The following RNF216 variants were observed in gnomAD, a reference collection of about 807,000 sequenced individuals.
RNF216 encodes ring finger protein 216.
RNF216 carries 72 observed loss-of-function variants against 110.8 expected under a neutral mutation model. That is an observed-to-expected ratio of 0.65 (90% CI 0.54 to 0.79). The LOEUF is 0.79. RNF216 is among the 30% of genes least tolerant of loss of function. The pLI, the probability that RNF216 is intolerant of heterozygous loss-of-function variation, is 0.00. For synonymous variants in RNF216, 495 were observed against 407.5 expected (o/e 1.21, Z -2.59); for missense variants, 1,342 against 1,141.2 (o/e 1.18, Z -2.54).
intron 13 of RNF216, among the ~76,000 whole-genome samples, chr7:5,661,397 G>C (rs769392919): frequency 2.6e-5 from 4 of 152,188 alleles, no homozygotes; most frequent in Non-Finnish European, 5.9e-5. Context: ...AAATAAATGA[G>C]ACCTGCTAGG....
intron 15 of RNF216, among the ~76,000 whole-genome samples, chr7:5,632,867 G>A (rs1159109132): frequency 1.3e-5 from 2 of 152,208 alleles, no homozygotes; most frequent in East Asian, 1.9e-4. Flanking sequence ...GTACCATGAC[G>A]AAGCACACGA....
chr7:5,714,082 G>A (rs948585203), intron 11 of RNF216, among the ~76,000 whole-genome samples: 1 of 151,952 alleles, frequency 6.6e-6, no homozygotes, highest in Non-Finnish European at 1.5e-5. Flanking sequence ...AGCTCACTAA[G>A]CCTCCCGAGT....
At chr7:5,649,253 G>A (rs1020417409) in intron 14 of RNF216, among the ~76,000 whole-genome samples, 77 of 151,872 alleles carry the variant, frequency 5.1e-4, no homozygotes, top group Admixed American at 4.8e-3. Flanking sequence ...TTAGCTGGGC[G>A]TGGTAGCAGG....
chr7:5,775,831 T>C (rs1796744501), intron 1 of RNF216, among the ~76,000 whole-genome samples: 1 of 150,122 alleles, frequency 6.7e-6, no homozygotes, highest in African/African-American at 2.5e-5. Context: ...AATGCGCCAC[T>C]GCACTCCTGC....
rs1790566537 is a variant in RNF216 at position 5,680,315 on chromosome 7, A to G, written c.2062-27805T>C. 1 of 152,152 alleles carries G rather than the reference A, an allele frequency of 6.6e-6. No individual in the cohort carries two copies. 9.4% of individuals were successfully genotyped at this position (152,152 alleles called of 1,614,324 possible). On this transcript the variant is annotated intron_variant, in intron 13 of 16. Coordinates refer to ENST00000389902, the MANE Select transcript of RNF216 (RefSeq NM_207111.4). This position sits in a 1 kb window ranked among gnomAD's most constrained non-coding sequence, Gnocchi z 4.3. Reference sequence around the variant, plus strand: ...CCTGCCCCCAGCTAGCTCTGTCATCATAGAATGCGATCCACTCCCCCAAGC... The same window carrying G: ...CCTGCCCCCAGCTAGCTCTGTCATCGTAGAATGCGATCCACTCCCCCAAGC...
intron 10 of RNF216, 57 bp from the exon 11 acceptor site, chr7:5,715,247 C>T: frequency 6.4e-7 from 1 of 1,557,510 alleles, no homozygotes; most frequent in African/African-American, 1.3e-5. Context: ...GAGGGGGAGC[C>T]TTGTCTCCCA....
intron 2 of RNF216, among the ~76,000 whole-genome samples, chr7:5,754,263 C>T (rs980713221): frequency 4.0e-5 from 6 of 151,758 alleles, no homozygotes; most frequent in Non-Finnish European, 7.4e-5. Context: ...TCAAGCAATC[C>T]TCCCATGTCA....
In RNF216 at chr7:5,623,023, C is replaced by T. The variant is rs748329404; in HGVS notation, c.2609G>A (p.Arg870Gln). The T allele has an allele frequency of 3.1e-6, 5 of 1,613,876 alleles. No homozygotes were observed. The highest frequency in any genetic ancestry group is 2.7e-5 in the African/African-American group (2 of 74,864). The change falls in exon 17 of 17, where the codon CGG (arginine) becomes CAG (glutamine). Residue 870 changes from arginine (R) to glutamine (Q), a missense_variant. By Grantham distance (43) the Arg-to-Gln change is conservative. Coordinates refer to ENST00000389902, the MANE Select transcript of RNF216 (RefSeq NM_207111.4). ...AHPPFPLPPVRPVFNNFPLNM... is the reference protein window; with the variant it reads ...AHPPFPLPPVQPVFNNFPLNM... Reference sequence around the variant, plus strand: ...GAGTGGGAAGTTGTTGAACACAGGCCGCACGGGAGGCAGGGGGAAGGGTGG... The same window carrying T: ...GAGTGGGAAGTTGTTGAACACAGGCTGCACGGGAGGCAGGGGGAAGGGTGG...
chr7:5,625,375 G>A (rs951651195), intron 15 of RNF216, among the ~76,000 whole-genome samples: 8 of 152,204 alleles, frequency 5.3e-5, no homozygotes, highest in African/African-American at 1.4e-4. Context: ...TAGACACGGC[G>A]TCAGAGCCTA....
chr7:5,781,552 G>A lies in RNF216; in HGVS notation c.-81C>T, dbSNP rs546890586. 6.6e-6 allele frequency: 1 copy of A among 152,088 alleles called. No individual in the cohort carries two copies. The highest frequency in any genetic ancestry group is 2.4e-5 in the African/African-American group (1 of 41,378). 9.4% of individuals were successfully genotyped at this position (152,088 alleles called of 1,614,324 possible). A position where few individuals can be genotyped will look rare whatever the true frequency, so the allele number is the denominator to read the frequency against. On this transcript the variant is annotated 5_prime_UTR_variant, in exon 1 of 17. Transcript: ENST00000389902. ...CAGCCGACACTCACTCGTCACTCAA[G>A]TCGCCGGCTAGCCAGGCAGGTTCGG...
chr7:5,717,382 G>T (rs1243673289), intron 9 of RNF216, among the ~76,000 whole-genome samples: 1 of 152,084 alleles, frequency 6.6e-6, no homozygotes, highest in Non-Finnish European at 1.5e-5. Flanking sequence ...CAAAAACTAA[G>T]TTTAACAACA....
rs1413245854 is a variant in RNF216, at chr7:5,758,540, A to G, written c.67+2463T>C. Among the ~76,000 whole-genome samples, 4 of 152,218 alleles carry G rather than the reference A, an allele frequency of 2.6e-5. No individual in the cohort carries two copies. The East Asian group carries it at 7.7e-4, about 29-fold the overall frequency. Reference sequence around the variant, plus strand: ...ACTCCTGAGACAGCAGGACTGCACGAGACTTTCAGGAGCCTATCCCTTGCA... The same window carrying G: ...ACTCCTGAGACAGCAGGACTGCACGGGACTTTCAGGAGCCTATCCCTTGCA... On this transcript the variant is annotated intron_variant, in intron 2 of 16. Transcript: ENST00000389902.
rs1421816686 is a variant in RNF216 at position 5,741,056 on chromosome 7, G to C, written c.961C>G (p.Gln321Glu). ...CAAATGTTTTCCAAATTGGGCTCTT[G>C]AGATTCTTGCATTGGAAAGGCTGGA... The part of the protein sequence containing the change: ...PGPAFPMQES[Q>E]EPNLENIWGQ... Residue 321 changes from glutamine (Q) to glutamate (E), a missense_variant, in exon 4 of 17, where the codon CAA becomes GAA. Coordinates refer to ENST00000389902, the MANE Select transcript of RNF216 (RefSeq NM_207111.4). 1 of 1,613,998 alleles carries C rather than the reference G, an allele frequency of 6.2e-7. No individual in the cohort carries two copies. The highest frequency in any genetic ancestry group is 8.5e-7 in the Non-Finnish European group (1 of 1,180,036).
At chr7:5,726,229 T>C (rs1165828499) in intron 7 of RNF216, among the ~76,000 whole-genome samples, 1 of 151,150 alleles carries the variant, frequency 6.6e-6, no homozygotes, top group Admixed American at 6.6e-5. Flanking sequence ...TGAGCCATGA[T>C]TGCGCCACTG....
chr7:5,726,211 G>A (rs1332898945), intron 7 of RNF216, among the ~76,000 whole-genome samples: 1 of 152,016 alleles, frequency 6.6e-6, no homozygotes, highest in Non-Finnish European at 1.5e-5. Flanking sequence ...TGAGAGGCAG[G>A]GTTGCAGTGA....
intron 5 of RNF216, among the ~76,000 whole-genome samples, chr7:5,735,720 A>C (rs1192926728): frequency 6.6e-6 from 1 of 152,220 alleles, no homozygotes; most frequent in Non-Finnish European, 1.5e-5. Flanking sequence ...AGAACTGACC[A>C]ACACCACCAA....
At chr7:5,726,923 G>A (rs576200991) in intron 7 of RNF216, among the ~76,000 whole-genome samples, 17 of 152,026 alleles carry the variant, frequency 1.1e-4, no homozygotes, top group Middle Eastern at 3.4e-3. Context: ...AGGGGTACCT[G>A]ATTTGAAACG....
At chr7:5,686,157 AG>A (rs1379252152) in intron 13 of RNF216, among the ~76,000 whole-genome samples, 1 of 147,108 alleles carries the variant, frequency 6.8e-6, no homozygotes, top group Non-Finnish European at 1.5e-5. Context: ...CAGAAGGCAG[AG>A]GTTGCAGTGA....
At chr7:5,756,199 G>A (rs186478425) in intron 2 of RNF216, among the ~76,000 whole-genome samples, 3 of 152,092 alleles carry the variant, frequency 2.0e-5, no homozygotes, top group Admixed American at 6.6e-5. Context: ...TCCTGAGAAG[G>A]TGCCTGCTTC....
Sources: gnomAD v4.1 joint callset for allele counts (sites outside exome capture counted in the v4.1 genomes callset) on GRCh38, gnomAD v4.1.1 for gene constraint, Gnocchi (gnomAD v3.1) non-coding constraint, MANE v1.5 for transcripts, NCBI Gene and HGNC (gene_info 2026-07-23, HGNC 2026-07-21) for gene names.